Variants in TNFRSF21 observed in about 807,000 individuals in gnomAD.
TNFRSF21 encodes the protein TNF receptor superfamily member 21, also known as tumor necrosis factor receptor superfamily member 21.
Under a neutral mutation model 45.6 loss-of-function variants are expected in TNFRSF21, and 19 were observed. The observed-to-expected ratio is 0.42, with a 90% CI of 0.29 to 0.61. TNFRSF21 has a LOEUF of 0.61. Among genes scored for constraint, TNFRSF21 ranks in the 20% least tolerant of loss-of-function variants. TNFRSF21 has a pLI of 0.23. For missense variants in TNFRSF21, 737 were observed against 851.5 expected, an observed-to-expected ratio of 0.87 and a Z score of 1.67; for synonymous variants, 314 against 335.5, an observed-to-expected ratio of 0.94 and a Z score of 0.70.
rs557647234 is a variant in TNFRSF21, at chr6:47,267,574, C to T, written c.1244-14053G>A. Among the ~76,000 whole-genome samples, 8 of 152,210 alleles carry T rather than the reference C, an allele frequency of 5.3e-5. No individual in the cohort carries two copies. The East Asian group carries it at 1.5e-3, about 29-fold the overall frequency. ...TGAGTTGAAAATCAGATATAATGTC[C>T]CTCCGCCTCACTCCAGCTCTCCATG... On this transcript the variant is annotated intron_variant, in intron 3 of 5. Coordinates refer to ENST00000296861, the MANE Select transcript of TNFRSF21 (RefSeq NM_014452.5).
rs1379585993 is a variant in TNFRSF21 at position 47,231,839 on chromosome 6, T to G, written c.*926A>C. On this transcript the variant is annotated 3_prime_UTR_variant, in exon 6 of 6. Coordinates refer to ENST00000296861, the MANE Select transcript of TNFRSF21 (RefSeq NM_014452.5). ...TTATGTGTATATAAAAAACAAGACA[T>G]CTTTTAAAGCAAAGCTGGGCAAATT... 1.3e-5 allele frequency: 2 copies of G among 152,624 alleles called. No homozygotes were observed. The highest frequency in any genetic ancestry group is 4.8e-5 in the African/African-American group (2 of 41,460). The allele number at this position is 152,624 out of a possible 1,614,324, so 9.5% of individuals were successfully genotyped here. A position where few individuals can be genotyped will look rare whatever the true frequency, so the allele number is the denominator to read the frequency against.
chr6:47,248,019 T>A (rs1764848093), intron 4 of TNFRSF21, among the ~76,000 whole-genome samples: 1 of 152,216 alleles, frequency 6.6e-6, no homozygotes, highest in Non-Finnish European at 1.5e-5. Context: ...CTGGTTAACA[T>A]CAGTCCTTTA....
chr6:47,275,633 C>T (rs1438543843), intron 3 of TNFRSF21, among the ~76,000 whole-genome samples: 1 of 151,526 alleles, frequency 6.6e-6, no homozygotes, highest in Non-Finnish European at 1.5e-5. Context: ...TGCACATGTA[C>T]CCTAGTGCTT....
In TNFRSF21 at chr6:47,234,722, A is replaced by T. The variant is rs1341309106; in HGVS notation, c.1686T>A (p.Ser562=). 1 of 1,612,236 alleles carries T rather than the reference A, an allele frequency of 6.2e-7. No homozygotes were observed. Among genetic ancestry groups the T allele is most frequent in the Admixed American group, 1.7e-5 (1 of 59,846 alleles). Residue 562 remains serine, a synonymous_variant, in exon 5 of 6, where the codon TCT becomes TCA. Coordinates refer to ENST00000296861, the MANE Select transcript of TNFRSF21 (RefSeq NM_014452.5). ...TCAGCGCGGAGGAGCCGCTGGATGT[A>T]GAGTCACAGCGGAGAAGGGGCTCCG... The part of the protein sequence containing the change: ...DESEPLLRCD[S]TSSGSSALSR...
At position 47,232,658 on chromosome 6, in the gene TNFRSF21, C is replaced by T; in HGVS notation, c.*107G>A. On this transcript the variant is annotated 3_prime_UTR_variant, in exon 6 of 6. Transcript: ENST00000296861. ...ACACACACACACACACACACACACA[C>T]AAACACACACACACACCCCAAACAA... 1 of 755,832 alleles carries T rather than the reference C, an allele frequency of 1.3e-6. No homozygotes were observed. The highest frequency in any genetic ancestry group is 2.1e-6 in the Non-Finnish European group (1 of 486,816). 46.8% of individuals were successfully genotyped at this position (755,832 alleles called of 1,614,324 possible). A position where few individuals can be genotyped will look rare whatever the true frequency, so the allele number is the denominator to read the frequency against.
Position 47,244,188 on chromosome 6 carries a change from G to A in TNFRSF21, c.1509+9068C>T, listed in dbSNP as rs540079960. On this transcript the variant is annotated intron_variant, in intron 4 of 5. Coordinates refer to ENST00000296861, the MANE Select transcript of TNFRSF21 (RefSeq NM_014452.5). Reference sequence around the variant, plus strand: ...ATACAAAAAAAATTAGCCAGGCGTGGTGGCGGGGACCTGTATTCCCAGCTA... The same window carrying A: ...ATACAAAAAAAATTAGCCAGGCGTGATGGCGGGGACCTGTATTCCCAGCTA... 3.9e-5 allele frequency among the ~76,000 whole-genome samples: 6 copies of A among 152,216 alleles called. No individual in the cohort carries two copies. In the South Asian group the frequency reaches 1.2e-3, roughly 32 times the overall value.
chr6:47,273,791 G>A (rs2113859290), intron 3 of TNFRSF21, among the ~76,000 whole-genome samples: 1 of 150,926 alleles, frequency 6.6e-6, no homozygotes, highest in South Asian at 2.1e-4. Flanking sequence ...ATCTCCTTAA[G>A]CTGAGGATAT....
chr6:47,299,975 C>CT (rs1454005276), intron 1 of TNFRSF21, among the ~76,000 whole-genome samples: 1 of 152,160 alleles, frequency 6.6e-6, no homozygotes, highest in East Asian at 1.9e-4. Context: ...AGGAACACAC[C>CT]TTGGGGAAAC....
intron 1 of TNFRSF21, 61 bp downstream of exon 1, chr6:47,309,355 C>G (rs1762983758): frequency 1.3e-6 from 2 of 1,493,242 alleles, no homozygotes; most frequent in Admixed American, 4.3e-5. Flanking sequence ...CGCCCGGCTC[C>G]CGGAGAGCGG....
intron 4 of TNFRSF21, among the ~76,000 whole-genome samples, chr6:47,247,898 C>T (rs527258517): frequency 4.6e-5 from 7 of 152,302 alleles, no homozygotes; most frequent in South Asian, 2.1e-4. Flanking sequence ...ACAACCACCA[C>T]AAAACATTGG....
At chr6:47,253,583 C>A in intron 3 of TNFRSF21, 62 bp from the exon 4 acceptor site, 1 of 1,566,174 alleles carries the variant, frequency 6.4e-7, no homozygotes, top group South Asian at 1.2e-5. Flanking sequence ...TTACATAAGG[C>A]AGCTCTGCTT....
chr6:47,236,554 C>T (rs183443131), intron 4 of TNFRSF21, among the ~76,000 whole-genome samples: 106 of 152,348 alleles, frequency 7.0e-4, no homozygotes, highest in African/African-American at 2.4e-3. Flanking sequence ...TAACTGATTA[C>T]TGCACATGTC....
At chr6:47,253,608 G>A (rs1484893251) in intron 3 of TNFRSF21, 87 bp from the exon 4 acceptor site, 1 of 1,463,792 alleles carries the variant, frequency 6.8e-7, no homozygotes. Context: ...GAATGAACTA[G>A]AAGAGGCACG....
At chr6:47,280,489 C>T (rs761455488) in intron 3 of TNFRSF21, among the ~76,000 whole-genome samples, 2 of 152,192 alleles carry the variant, frequency 1.3e-5, no homozygotes, top group African/African-American at 2.4e-5. Flanking sequence ...TAGAAAAACA[C>T]CTTAAATATA....
chr6:47,237,923 G>T (rs577250179), intron 4 of TNFRSF21, among the ~76,000 whole-genome samples: 4 of 152,066 alleles, frequency 2.6e-5, no homozygotes, highest in African/African-American at 9.7e-5. Flanking sequence ...GGTGGCAGGC[G>T]CCTGTAATCC....
intron 1 of TNFRSF21, among the ~76,000 whole-genome samples, chr6:47,302,103 C>T (rs1366465024): frequency 3.3e-5 from 5 of 152,126 alleles, no homozygotes; most frequent in African/African-American, 9.7e-5. Flanking sequence ...TCCTCTCACC[C>T]TTTGCCTTTT....
intron 3 of TNFRSF21, among the ~76,000 whole-genome samples, chr6:47,261,542 C>G (rs145661762): frequency 3.3e-5 from 5 of 152,324 alleles, no homozygotes; most frequent in African/African-American, 9.6e-5. Context: ...TGCCAGATCT[C>G]TAGCCTCTAT....
intron 4 of TNFRSF21, among the ~76,000 whole-genome samples, chr6:47,237,427 C>T (rs940166735): frequency 3.9e-5 from 6 of 152,092 alleles, no homozygotes; most frequent in African/African-American, 1.4e-4. Flanking sequence ...AGTGAGTCAT[C>T]GGAATATGTG....
Position 47,232,238 on chromosome 6 carries a change from A to C in TNFRSF21, c.*527T>G, listed in dbSNP as rs1764594329. 1 of 152,766 alleles carries C rather than the reference A, an allele frequency of 6.5e-6. No individual in the cohort carries two copies. Among genetic ancestry groups the C allele is most frequent in the Non-Finnish European group, 1.5e-5 (1 of 68,152 alleles). 9.5% of individuals were successfully genotyped at this position (152,766 alleles called of 1,614,324 possible). On this transcript the variant is annotated 3_prime_UTR_variant, in exon 6 of 6. Coordinates refer to ENST00000296861, the MANE Select transcript of TNFRSF21 (RefSeq NM_014452.5). Reference sequence around the variant, plus strand: ...ATTTTCTTAATCTTTAAGAAAATTTATAAAGGACAAACAATAATAAAAATA... The same window carrying C: ...ATTTTCTTAATCTTTAAGAAAATTTCTAAAGGACAAACAATAATAAAAATA...
Sources: allele counts gnomAD v4.1 joint callset (sites outside exome capture counted in the v4.1 genomes callset), GRCh38; gene constraint gnomAD v4.1.1; transcripts MANE v1.5; gene names NCBI Gene and HGNC (gene_info 2026-07-23, HGNC 2026-07-21).